POLN: variants seen among roughly 807,000 people sequenced by gnomAD.
The protein encoded by POLN is DNA polymerase nu, also known as DNA polymerase N.
In POLN, 108 loss-of-function variants were observed where a neutral mutation model predicts 113.5. The ratio of observed to expected loss-of-function variants is 0.95; its 90% CI spans 0.81 to 1.12. POLN has a LOEUF of 1.12. Among genes scored for constraint, POLN ranks in the 50% most tolerant of loss-of-function variants. POLN has a pLI of 0.00. For synonymous variants in POLN, 386 were observed against 391.5 expected, an observed-to-expected ratio of 0.99 and a Z score of 0.17; for missense variants, 1,097 against 1,077.1, an observed-to-expected ratio of 1.02 and a Z score of -0.26.
intron 8 of POLN, chr4:2,177,126 C>T (rs1733016591): frequency 1.4e-5 from 4 of 279,590 alleles, no homozygotes; most frequent in South Asian, 1.1e-4. Context: ...AAGTTCTTGA[C>T]TGCCACCTGG....
intron 4 of POLN, among the ~76,000 whole-genome samples, chr4:2,212,838 G>A (rs1734025195): frequency 1.3e-5 from 2 of 152,056 alleles, no homozygotes; most frequent in South Asian, 4.2e-4. Context: ...ATTGTCCCCA[G>A]AGCACTCTGA....
intron 6 of POLN, among the ~76,000 whole-genome samples, chr4:2,195,106 G>A (rs1346284629): frequency 6.6e-6 from 1 of 152,014 alleles, no homozygotes; most frequent in Non-Finnish European, 1.5e-5. Flanking sequence ...TATTAAACAT[G>A]TTTTTGTGCA....
intron 3 of POLN, among the ~76,000 whole-genome samples, chr4:2,213,474 A>C (rs1403022013): frequency 6.6e-6 from 1 of 152,202 alleles, no homozygotes; most frequent in African/African-American, 2.4e-5. Flanking sequence ...TCTTAGACTG[A>C]ATACTGCAGT....
At chr4:2,240,632 C>A in intron 2 of POLN, 1 of 1,613,658 alleles carries the variant, frequency 6.2e-7, no homozygotes, top group Non-Finnish European at 8.5e-7. Context: ...GAGTTTGAAC[C>A]TCATCCTCTA....
chr4:2,145,772 G>A (rs893850663), intron 16 of POLN, among the ~76,000 whole-genome samples: 2 of 152,146 alleles, frequency 1.3e-5, no homozygotes, highest in African/African-American at 2.4e-5. Flanking sequence ...ATGCCCTATC[G>A]TCAGGCAATA....
intron 19 of POLN, among the ~76,000 whole-genome samples, chr4:2,116,636 C>T (rs1297191783): frequency 6.6e-6 from 1 of 151,478 alleles, no homozygotes; most frequent in Admixed American, 6.6e-5. Context: ...TGTAGGGGAA[C>T]TCTTGTTGCC....
intron 16 of POLN, among the ~76,000 whole-genome samples, chr4:2,148,664 C>A (rs1161101681): frequency 5.1e-5 from 2 of 39,026 alleles, no homozygotes; most frequent in African/African-American, 1.1e-4. Flanking sequence ...GAGACTCTGT[C>A]CCCCCCCCAA....
intron 17 of POLN, 118 bp downstream of exon 17, chr4:2,131,115 G>A (rs1577711664): frequency 1.3e-5 from 9 of 676,918 alleles, no homozygotes; most frequent in South Asian, 7.6e-5. Context: ...AGCCCAGGAG[G>A]TCAAGGCTGC....
intron 19 of POLN, among the ~76,000 whole-genome samples, chr4:2,110,409 T>C (rs556640430): frequency 3.3e-5 from 5 of 151,582 alleles, no homozygotes; most frequent in Non-Finnish European, 7.4e-5. Context: ...CTGAAGGAAA[T>C]AGAGACACAA....
chr4:2,091,138 C>T (rs1472555890), intron 20 of POLN, among the ~76,000 whole-genome samples: 1 of 152,188 alleles, frequency 6.6e-6, no homozygotes, highest in East Asian at 1.9e-4. Flanking sequence ...TTCCCAGTGC[C>T]TCTGGGTAGT....
In POLN at chr4:2,090,146, T is replaced by C. The variant is rs1481476665; in HGVS notation, c.2066-4402A>G. The C allele has an allele frequency of 3.7e-5, 38 of 1,016,818 alleles. No homozygotes were observed. The Middle Eastern group carries it at 1.3e-3, about 34-fold the overall frequency. 63.0% of individuals were successfully genotyped at this position (1,016,818 alleles called of 1,614,324 possible). ...AACTGAGGATAAGAACTTTGAACAT[T>C]ATCAGCTGAAACTTCAGAAGAAGAA... On this transcript the variant is annotated intron_variant, in intron 20 of 25. Coordinates refer to ENST00000511885, the MANE Select transcript of POLN (RefSeq NM_181808.4).
chr4:2,230,041 T>C (rs866387529), intron 2 of POLN: 1 of 152,326 alleles, frequency 6.6e-6, no homozygotes, highest in Non-Finnish European at 1.5e-5. Flanking sequence ...ACACCTGTAA[T>C]GCCAGCACTA....
At chr4:2,140,721 C>T (rs1427690600) in intron 16 of POLN, 1 of 151,938 alleles carries the variant, frequency 6.6e-6, no homozygotes, top group Non-Finnish European at 1.5e-5. Flanking sequence ...GCACTCCAGC[C>T]TGGATGACAG....
intron 5 of POLN, among the ~76,000 whole-genome samples, chr4:2,199,879 C>A (rs1486655225): frequency 1.3e-5 from 2 of 152,126 alleles, no homozygotes; most frequent in Non-Finnish European, 2.9e-5. Flanking sequence ...ACCCAGCCAA[C>A]AGTTGAGTAA....
At chr4:2,147,176 T>C (rs2108734632) in intron 16 of POLN, among the ~76,000 whole-genome samples, 1 of 152,292 alleles carries the variant, frequency 6.6e-6, no homozygotes, top group East Asian at 1.9e-4. Context: ...TTACATAATG[T>C]TGATAAATTC....
intron 3 of POLN, among the ~76,000 whole-genome samples, chr4:2,220,354 C>T (rs1734225673): frequency 6.6e-6 from 1 of 152,208 alleles, no homozygotes; most frequent in South Asian, 2.1e-4. Flanking sequence ...ACATTCTAGC[C>T]AGCCCTCCAG....
intron 6 of POLN, among the ~76,000 whole-genome samples, chr4:2,194,933 C>T (rs1441442114): frequency 6.6e-6 from 1 of 151,868 alleles, no homozygotes; most frequent in Admixed American, 6.6e-5. Flanking sequence ...TATGTATATA[C>T]ATGCACACAT....
intron 7 of POLN, among the ~76,000 whole-genome samples, chr4:2,189,826 C>CA (rs1733393648): frequency 6.6e-6 from 1 of 151,556 alleles, no homozygotes; most frequent in Non-Finnish European, 1.5e-5. Flanking sequence ...GTCAGGAGAT[C>CA]AAGACCATCC....
intron 7 of POLN, among the ~76,000 whole-genome samples, chr4:2,185,707 T>C (rs1733254722): frequency 6.8e-6 from 1 of 146,510 alleles, no homozygotes; most frequent in Non-Finnish European, 1.5e-5. Context: ...GATTGCACCA[T>C]TGCACTCTAG....
Sources: gnomAD v4.1 joint callset for allele counts (sites outside exome capture counted in the v4.1 genomes callset) on GRCh38, gnomAD v4.1.1 for gene constraint, MANE v1.5 for transcripts, NCBI Gene and HGNC (gene_info 2026-07-23, HGNC 2026-07-21) for gene names.